The following WIPI2 variants were observed in gnomAD, a reference collection of about 807,000 sequenced individuals.
The protein encoded by WIPI2 is WD repeat domain phosphoinositide-interacting protein 2.
Under a neutral mutation model 52.3 loss-of-function variants are expected in WIPI2, and 28 were observed. The ratio of observed to expected loss-of-function variants is 0.54; its 90% CI spans 0.40 to 0.73. The LOEUF is 0.73. WIPI2 is among the 30% of genes least tolerant of loss of function. WIPI2 has a pLI of 0.00. For synonymous variants in WIPI2, 268 were observed against 245.0 expected, an observed-to-expected ratio of 1.09 and a Z score of -0.88; for missense variants, 506 against 602.9, an observed-to-expected ratio of 0.84 and a Z score of 1.68.
intron 7 of WIPI2, among the ~76,000 whole-genome samples, chr7:5,219,248 A>G (rs1782971487): frequency 6.6e-6 from 1 of 152,240 alleles, no homozygotes; most frequent in Non-Finnish European, 1.5e-5. Context: ...CTGGGCAGCA[A>G]CAGAGGGGTC....
At chr7:5,211,838 T>C (rs752461833) in intron 3 of WIPI2, among the ~76,000 whole-genome samples, 30 of 152,190 alleles carry the variant, frequency 2.0e-4, no homozygotes, top group Non-Finnish European at 3.8e-4. Flanking sequence ...GAGACTGGAA[T>C]GTGATTGTTA....
chr7:5,208,223 C>T (rs532273492), intron 3 of WIPI2, among the ~76,000 whole-genome samples: 4 of 152,258 alleles, frequency 2.6e-5, no homozygotes, highest in African/African-American at 7.2e-5. Flanking sequence ...TCCTCTGTGA[C>T]ATGTCTGTTC....
Position 5,205,132 on chromosome 7 carries a change from C to T in WIPI2, c.211+5474C>T, listed in dbSNP as rs1020343916. Among the ~76,000 whole-genome samples the T allele has an allele frequency of 5.9e-5, 9 of 152,228 alleles. No homozygotes were observed. In the South Asian group the frequency reaches 8.3e-4, roughly 14 times the overall value. On this transcript the variant is annotated intron_variant, in intron 3 of 12. Coordinates refer to ENST00000288828, the MANE Select transcript of WIPI2 (RefSeq NM_015610.4). Reference sequence around the variant, plus strand: ...CTGGGATTAGAGGCATGCACCACCACGCCCGGCTACATTTTGTATTTTTAG... The same window carrying T: ...CTGGGATTAGAGGCATGCACCACCATGCCCGGCTACATTTTGTATTTTTAG...
rs1242480999 is a variant in WIPI2 at position 5,227,752 on chromosome 7, A to G, written c.1014-352A>G. ...TGCGTGCGGGAAAGATTGTCATTACACCCAGTGATGGCAGGGCTTTGGGCT... is the reference window on the plus strand; with the variant it reads ...TGCGTGCGGGAAAGATTGTCATTACGCCCAGTGATGGCAGGGCTTTGGGCT... On this transcript the variant is annotated intron_variant, in intron 10 of 12. Coordinates refer to ENST00000288828, the MANE Select transcript of WIPI2 (RefSeq NM_015610.4). The surrounding 1 kb of genome is among the most constrained non-coding windows in gnomAD (Gnocchi z 8.1). Among the ~76,000 whole-genome samples, 1 of 152,066 alleles carries G rather than the reference A, an allele frequency of 6.6e-6. No homozygotes were observed. Among genetic ancestry groups the G allele is most frequent in the African/African-American group, 2.4e-5 (1 of 41,412 alleles).
rs144773383 is a variant in WIPI2 at position 5,230,927 on chromosome 7, A to C, written c.1345A>C (p.Met449Leu). The C allele has an allele frequency of 1.1e-5, 18 of 1,612,894 alleles. No individual in the cohort carries two copies. The African/African-American group carries it at 1.9e-4, about 17-fold the overall frequency. ...GGATGAGGACAGCGAGCACCCGCCC[A>C]TGATTCTTCGGACTGACTGAACTTG... The part of the protein sequence containing the change: ...RLDEDSEHPP[M>L]ILRTD Residue 449 changes from methionine to leucine, a missense_variant, in exon 13 of 13, where the codon ATG becomes CTG. Coordinates refer to ENST00000288828, the MANE Select transcript of WIPI2 (RefSeq NM_015610.4). The surrounding 1 kb of genome is among the most constrained non-coding windows in gnomAD (Gnocchi z 4.8).
chr7:5,205,843 CT>C (rs566248631), intron 3 of WIPI2, among the ~76,000 whole-genome samples: 5,528 of 140,276 alleles, frequency 0.039, 175 homozygotes, highest in African/African-American at 0.077. Context: ...AAACTGAGTT[CT>C]TTTTTTTTTT....
intron 2 of WIPI2, among the ~76,000 whole-genome samples, chr7:5,196,411 C>A (rs1266733850): frequency 2.0e-5 from 3 of 152,144 alleles, no homozygotes; most frequent in Non-Finnish European, 2.9e-5. Flanking sequence ...GTATATATAT[C>A]TCAAAAAATA....
intron 3 of WIPI2, among the ~76,000 whole-genome samples, chr7:5,202,683 G>A (rs964685756): frequency 6.6e-6 from 1 of 152,176 alleles, no homozygotes; most frequent in Non-Finnish European, 1.5e-5. Flanking sequence ...ACTGCATCCA[G>A]CCTCTCATAT....
intron 3 of WIPI2, among the ~76,000 whole-genome samples, chr7:5,201,437 G>A (rs991338559): frequency 6.6e-6 from 1 of 152,200 alleles, no homozygotes; most frequent in Non-Finnish European, 1.5e-5. Context: ...GGGATGTCTT[G>A]ATAGTATCTT....
chr7:5,210,507 A>G (rs543213020), intron 3 of WIPI2, among the ~76,000 whole-genome samples: 4 of 152,248 alleles, frequency 2.6e-5, no homozygotes, highest in Admixed American at 2.0e-4. Context: ...TCGGTGCCAC[A>G]CAGGGCCCTG....
intron 11 of WIPI2, 91 bp from the exon 12 acceptor site, chr7:5,229,517 C>A: frequency 6.7e-7 from 1 of 1,489,000 alleles, no homozygotes; most frequent in Non-Finnish European, 9.0e-7. Context: ...GAGTGGTGTG[C>A]TGGCTCTGTT....
intron 3 of WIPI2, among the ~76,000 whole-genome samples, chr7:5,207,307 C>T (rs1259205538): frequency 6.6e-6 from 1 of 152,210 alleles, no homozygotes; most frequent in East Asian, 1.9e-4. Flanking sequence ...ATACTTCCTT[C>T]CAGTCTCAGC....
intron 8 of WIPI2, chr7:5,222,925 G>C: frequency 2.4e-6 from 1 of 423,232 alleles, no homozygotes; most frequent in Non-Finnish European, 4.4e-6. Flanking sequence ...CACGCAACCA[G>C]GTGGGCCCTC....
In WIPI2 at chr7:5,219,217, G is replaced by A. The variant is rs192150931; in HGVS notation, c.669+1203G>A. On this transcript the variant is annotated intron_variant, in intron 7 of 12. Coordinates refer to ENST00000288828, the MANE Select transcript of WIPI2 (RefSeq NM_015610.4). Reference sequence around the variant, plus strand: ...TAGCAAGGGCTCAGAAAGGTTAAGCGGTGTGCCCGGGGCCGCCCAACTGGG... The same window carrying A: ...TAGCAAGGGCTCAGAAAGGTTAAGCAGTGTGCCCGGGGCCGCCCAACTGGG... Among the ~76,000 whole-genome samples, 610 of 150,586 alleles carry A rather than the reference G, an allele frequency of 4.1e-3. 6 individuals are homozygous for A. The highest frequency in any genetic ancestry group is 0.014 in the African/African-American group (573 of 41,432).
At position 5,232,351 on chromosome 7, in the gene WIPI2, C is replaced by T. The variant is rs1439354969; in HGVS notation, c.*1404C>T. Reference sequence around the variant, plus strand: ...GCTGAGCGGCTGCGGTGAAATGCCCCAGTGTTCCTGGGTTGGCTTTACGGC... The same window carrying T: ...GCTGAGCGGCTGCGGTGAAATGCCCTAGTGTTCCTGGGTTGGCTTTACGGC... On this transcript the variant is annotated 3_prime_UTR_variant, in exon 13 of 13. Transcript: ENST00000288828. 2.3e-5 allele frequency: 9 copies of T among 398,490 alleles called. No homozygotes were observed. In the South Asian group the frequency reaches 1.1e-3, roughly 51 times the overall value. 24.7% of individuals were successfully genotyped at this position (398,490 alleles called of 1,614,324 possible).
rs1394403858 is a variant in WIPI2, at chr7:5,228,117, C to T, written c.1027C>T (p.Pro343Ser). Residue 343 changes from proline (P) to serine (S), a missense_variant, in exon 11 of 13, where the codon CCG becomes TCG. This residue lies in a region of WIPI2 where 194 missense variants were observed against 175.1 expected (regional missense o/e 1.11). Transcript: ENST00000288828. Reference protein sequence around the residue: ...ICSLATIQKIPRLLVGAADGY... With the variant: ...ICSLATIQKISRLLVGAADGY... ...TATTCTCCCTAGAATTCAGAAGATC[C>T]CGCGGTTGTTGGTGGGTGCCGCCGA... The T allele has an allele frequency of 3.1e-6, 5 of 1,613,810 alleles. No homozygotes were observed. The highest frequency in any genetic ancestry group is 4.2e-6 in the Non-Finnish European group (5 of 1,180,032).
chr7:5,211,902 T>TGCC (rs1335824769), intron 3 of WIPI2, among the ~76,000 whole-genome samples: 7 of 152,314 alleles, frequency 4.6e-5, no homozygotes, highest in Admixed American at 2.0e-4. Context: ...AAGGTTGCAG[T>TGCC]GCCGCACACA....
intron 1 of WIPI2, among the ~76,000 whole-genome samples, chr7:5,192,266 A>G (rs1270361397): frequency 1.3e-5 from 2 of 152,176 alleles, no homozygotes; most frequent in Non-Finnish European, 2.9e-5. Flanking sequence ...AACCAATTCT[A>G]ATTTGGTTTT....
chr7:5,197,111 C>CAAAAAAAAAAAAAAAAAA (rs1562384541), intron 2 of WIPI2, among the ~76,000 whole-genome samples: 1 of 56,426 alleles, frequency 1.8e-5, no homozygotes, highest in Non-Finnish European at 2.9e-5. Flanking sequence ...GACTCCGTCT[C>CAAAAAAAAAAAAAAAAAA]AAAAAACAAA....
Sources: gnomAD v4.1 joint callset for allele counts (sites outside exome capture counted in the v4.1 genomes callset) on GRCh38, gnomAD v4.1.1 for gene constraint, gnomAD v4.1.1 regional missense constraint, Gnocchi (gnomAD v3.1) non-coding constraint, MANE v1.5 for transcripts, NCBI Gene and HGNC (gene_info 2026-07-23, HGNC 2026-07-21) for gene names.